The following CTNNA2 variants were observed in gnomAD, a reference collection of about 807,000 sequenced individuals.
The protein encoded by CTNNA2 is catenin alpha-2.
In CTNNA2, 42 loss-of-function variants were observed where a neutral mutation model predicts 101.0. That is an observed-to-expected ratio of 0.42 (90% CI 0.32 to 0.54). CTNNA2 has a LOEUF of 0.54. Ranked by LOEUF, CTNNA2 falls within the 20% of genes least tolerant of loss-of-function variation. The pLI is 0.14. For synonymous variants in CTNNA2, 450 were observed against 456.4 expected, an observed-to-expected ratio of 0.99 and a Z score of 0.18; for missense variants, 871 against 1,223.1, an observed-to-expected ratio of 0.71 and a Z score of 4.29.
chr2:79,825,379 A>G (rs992911623), intron 3 of CTNNA2, among the ~76,000 whole-genome samples: 1 of 152,148 alleles, frequency 6.6e-6, no homozygotes, highest in African/African-American at 2.4e-5. Context: ...GGGATTTTTA[A>G]AATAGGTGAG....
intron 4 of CTNNA2, among the ~76,000 whole-genome samples, chr2:79,408,290 TTTATTA>T (rs67079601): frequency 0.19 from 28,777 of 147,682 alleles, 3,399 homozygotes; most frequent in South Asian, 0.44. Context: ...AAAGAATAAA[TTTATTA>T]TTATTATTAT....
chr2:80,422,385 G>C (rs551462527), intron 9 of CTNNA2, among the ~76,000 whole-genome samples: 2 of 151,830 alleles, frequency 1.3e-5, no homozygotes, highest in East Asian at 3.9e-4. Context: ...AGATTGAATA[G>C]GAACACAGCC....
chr2:80,206,592 G>T lies in CTNNA2; in HGVS notation c.1057-186619G>T, dbSNP rs1247941765. On this transcript the variant is annotated intron_variant, in intron 7 of 18. Transcript: ENST00000402739. ...GAAGAGGTATCTACATATAGTGCGG[G>T]CAGGGAGAAGCGAGTGCATTCTATG... Among the ~76,000 whole-genome samples, 11 of 152,134 alleles carry T rather than the reference G, an allele frequency of 7.2e-5. No individual in the cohort carries two copies. The East Asian group carries it at 2.1e-3, about 29-fold the overall frequency.
rs971787647 is a variant in CTNNA2, at chr2:80,205,076, A to G, written c.1057-188135A>G. Among the ~76,000 whole-genome samples, 3 of 152,164 alleles carry G rather than the reference A, an allele frequency of 2.0e-5. No individual in the cohort carries two copies. In the East Asian group the frequency reaches 5.8e-4, roughly 29 times the overall value. On this transcript the variant is annotated intron_variant, in intron 7 of 18. Coordinates refer to ENST00000402739, the MANE Select transcript of CTNNA2 (RefSeq NM_001282597.3). ...TCCCACCAGGTCCCTCCCATAACACATGTGAATTATGTGAGCTACAAGATG... is the reference window on the plus strand; with the variant it reads ...TCCCACCAGGTCCCTCCCATAACACGTGTGAATTATGTGAGCTACAAGATG...
At chr2:80,177,255 T>C (rs1057046137) in intron 7 of CTNNA2, among the ~76,000 whole-genome samples, 3 of 152,174 alleles carry the variant, frequency 2.0e-5, no homozygotes, top group Non-Finnish European at 4.4e-5. Flanking sequence ...TAAGGCATTA[T>C]GTGAGTCCAT....
intron 7 of CTNNA2, among the ~76,000 whole-genome samples, chr2:80,361,980 A>C (rs1358290531): frequency 6.6e-6 from 1 of 152,190 alleles, no homozygotes; most frequent in Non-Finnish European, 1.5e-5. Flanking sequence ...CTCTAGTAAG[A>C]GGACTTGACA....
intron 2 of CTNNA2, among the ~76,000 whole-genome samples, chr2:79,272,583 G>A (rs1675111533): frequency 6.6e-6 from 1 of 152,036 alleles, no homozygotes; most frequent in Non-Finnish European, 1.5e-5. Flanking sequence ...GACAGACACA[G>A]CCTTTACACT....
intron 7 of CTNNA2, among the ~76,000 whole-genome samples, chr2:80,006,497 A>G (rs1263754960): frequency 6.6e-6 from 1 of 152,056 alleles, no homozygotes; most frequent in Non-Finnish European, 1.5e-5. Context: ...AAACCATGGC[A>G]CTTATGGAGA....
chr2:79,431,834 T>C (rs571743335), intron 4 of CTNNA2, among the ~76,000 whole-genome samples: 1 of 152,302 alleles, frequency 6.6e-6, no homozygotes, highest in East Asian at 1.9e-4. Flanking sequence ...ACCATAGGCC[T>C]GTATGTTGCT....
At chr2:79,420,063 A>T (rs1678524756) in intron 4 of CTNNA2, among the ~76,000 whole-genome samples, 1 of 152,074 alleles carries the variant, frequency 6.6e-6, no homozygotes. Flanking sequence ...TCCTCTTGGC[A>T]TTGGCCTCCC....
chr2:80,465,120 C>G (rs1445231137), intron 9 of CTNNA2, among the ~76,000 whole-genome samples: 3 of 152,168 alleles, frequency 2.0e-5, no homozygotes, highest in Admixed American at 2.0e-4. Flanking sequence ...GGGAATCTTG[C>G]CATGACTTGT....
intron 12 of CTNNA2, among the ~76,000 whole-genome samples, chr2:80,562,893 T>C (rs1280041059): frequency 6.6e-6 from 1 of 152,130 alleles, no homozygotes; most frequent in Non-Finnish European, 1.5e-5. Flanking sequence ...AGATACAAAA[T>C]TTTATTCTAA....
intron 1 of CTNNA2, chr2:79,637,059 G>A (rs1680122435): frequency 6.6e-6 from 1 of 152,192 alleles, no homozygotes; most frequent in Admixed American, 6.5e-5. Context: ...ATTGTTGTGG[G>A]ATGGGGAATG....
chr2:79,924,300 G>A (rs944243133), intron 7 of CTNNA2, among the ~76,000 whole-genome samples: 1 of 152,002 alleles, frequency 6.6e-6, no homozygotes, highest in Non-Finnish European at 1.5e-5. Context: ...TTGGGGTTTT[G>A]CAGTATAAAT....
At chr2:80,131,161 C>T (rs1702395507) in intron 7 of CTNNA2, among the ~76,000 whole-genome samples, 1 of 152,084 alleles carries the variant, frequency 6.6e-6, no homozygotes. Flanking sequence ...TGGGTTCAAG[C>T]AATTCTCATT....
At chr2:80,207,545 G>A (rs1707608040) in intron 7 of CTNNA2, among the ~76,000 whole-genome samples, 1 of 152,188 alleles carries the variant, frequency 6.6e-6, no homozygotes, top group Non-Finnish European at 1.5e-5. Context: ...ATGAGGAAGT[G>A]TGGAGACAGA....
intron 7 of CTNNA2, among the ~76,000 whole-genome samples, chr2:80,300,959 A>G (rs1676244654): frequency 6.6e-6 from 1 of 152,100 alleles, no homozygotes; most frequent in African/African-American, 2.4e-5. Context: ...GAAAAAAAAA[A>G]AAGGGAAAGC....
chr2:79,605,596 T>C (rs1677835259), intron 1 of CTNNA2, among the ~76,000 whole-genome samples: 1 of 151,964 alleles, frequency 6.6e-6, no homozygotes, highest in Non-Finnish European at 1.5e-5. Context: ...ATGGAAACAG[T>C]ATATTTCTCA....
intron 1 of CTNNA2, among the ~76,000 whole-genome samples, chr2:79,578,444 T>C (rs1293068032): frequency 1.3e-5 from 2 of 152,310 alleles, no homozygotes; most frequent in East Asian, 3.9e-4. Context: ...AAAGGCTGTC[T>C]TGTTTAGGAA....
Sources: gnomAD v4.1 joint callset for allele counts (sites outside exome capture counted in the v4.1 genomes callset) on GRCh38, gnomAD v4.1.1 for gene constraint, MANE v1.5 for transcripts, NCBI Gene and HGNC (gene_info 2026-07-23, HGNC 2026-07-21) for gene names.